The following RBL2 variants were observed in gnomAD, a reference collection of about 807,000 sequenced individuals.
The protein encoded by RBL2 is RB transcriptional corepressor like 2.
RBL2 carries 56 observed loss-of-function variants against 126.0 expected under a neutral mutation model. The observed-to-expected ratio is 0.44, with a 90% confidence interval of 0.36 to 0.56. The LOEUF (loss-of-function observed/expected upper bound fraction) is 0.56. Among genes scored for constraint, RBL2 ranks in the 20% least tolerant of loss-of-function variants. RBL2 has a pLI of 0.00. For synonymous variants in RBL2, 454 were observed against 478.5 expected, an observed-to-expected ratio of 0.95 and a Z score of 0.67; for missense variants, 1,229 against 1,398.2, an observed-to-expected ratio of 0.88 and a Z score of 1.93.
At chr16:53,448,547 G>A (rs976041892) in intron 4 of RBL2, among the ~76,000 whole-genome samples, 2 of 152,158 alleles carry the variant, frequency 1.3e-5, no homozygotes, top group African/African-American at 4.8e-5. Context: ...GCAGTGGTAT[G>A]ATCTCTGCTC....
At chr16:53,489,725 A>G (rs1295838405) in intron 21 of RBL2, 1 of 153,432 alleles carries the variant, frequency 6.5e-6, no homozygotes, top group Non-Finnish European at 1.5e-5. Flanking sequence ...ACTGAGTAAC[A>G]TTAGACTGAA....
chr16:53,455,727 G>T (rs2058161025), intron 8 of RBL2, among the ~76,000 whole-genome samples: 1 of 152,194 alleles, frequency 6.6e-6, no homozygotes. Flanking sequence ...AAGTAAGTGA[G>T]GAAGCAAGCC....
chr16:53,486,605 A>T (rs1961185872), intron 21 of RBL2, among the ~76,000 whole-genome samples: 1 of 152,228 alleles, frequency 6.6e-6, no homozygotes, highest in Non-Finnish European at 1.5e-5. Context: ...TCATTAATGT[A>T]AAAACTCTCA....
intron 20 of RBL2, chr16:53,481,313 C>T (rs1271623716): frequency 4.6e-6 from 1 of 218,416 alleles, no homozygotes; most frequent in Non-Finnish European, 9.0e-6. Context: ...AGACAGGCTA[C>T]ATGGGTTCAA....
chr16:53,463,846 C>T (rs557150888), intron 11 of RBL2, among the ~76,000 whole-genome samples: 7 of 152,114 alleles, frequency 4.6e-5, no homozygotes, highest in African/African-American at 1.2e-4. Context: ...GGATTACAGG[C>T]GTGAGCCACT....
intron 4 of RBL2, chr16:53,449,113 A>G (rs149801627): frequency 1.6e-4 from 25 of 152,280 alleles, no homozygotes; most frequent in African/African-American, 5.8e-4. Context: ...AAGGTTTTGG[A>G]GTATATAAAC....
chr16:53,453,256 G>A (rs535474366), intron 5 of RBL2, among the ~76,000 whole-genome samples, 196 bp from the exon 6 acceptor site: 3 of 152,062 alleles, frequency 2.0e-5, no homozygotes, highest in Admixed American at 6.6e-5. Context: ...GAAATCTTTC[G>A]AGTAATGATA....
chr16:53,434,750 A>G lies in RBL2; in HGVS notation c.194A>G (p.Glu65Gly). Residue 65 changes from glutamate (E) to glycine (G), a missense_variant, in exon 1 of 22, where the codon GAG becomes GGG. Transcript: ENST00000262133. ...AACATGGACGAGGCGGCGCGGGCCG[A>G]GGCCTGGGACAGCTACCGCAGCATG... ...RLNMDEAARAEAWDSYRSMSE... is the reference protein window; with the variant it reads ...RLNMDEAARAGAWDSYRSMSE... 6.5e-7 allele frequency: 1 copy of G among 1,543,562 alleles called. No homozygotes were observed. Among genetic ancestry groups the G allele is most frequent in the Non-Finnish European group, 8.7e-7 (1 of 1,152,442 alleles).
intron 2 of RBL2, among the ~76,000 whole-genome samples, chr16:53,439,787 A>G (rs928246229): frequency 1.3e-5 from 2 of 151,990 alleles, no homozygotes; most frequent in African/African-American, 4.8e-5. Context: ...AAATTTATGG[A>G]GTTAATGGTT....
chr16:53,440,245 C>G (rs2058002267), intron 2 of RBL2, among the ~76,000 whole-genome samples: 1 of 151,168 alleles, frequency 6.6e-6, no homozygotes. Flanking sequence ...GCAGTGAGCA[C>G]TATTGCACTC....
intron 8 of RBL2, among the ~76,000 whole-genome samples, chr16:53,456,376 G>A (rs913992085): frequency 1.3e-5 from 2 of 152,140 alleles, no homozygotes; most frequent in Admixed American, 6.6e-5. Flanking sequence ...TTAGAGGCAA[G>A]GGTGGAAGTA....
At chr16:53,453,419 G>A (rs749763613) in intron 5 of RBL2, 33 bp from the exon 6 acceptor site, 2 of 1,585,942 alleles carry the variant, frequency 1.3e-6, no homozygotes, top group South Asian at 1.1e-5. Flanking sequence ...ATTGTGTGCT[G>A]ATATCTCTGT....
chr16:53,445,196 G>A (rs145345090), intron 3 of RBL2, among the ~76,000 whole-genome samples: 2,562 of 151,882 alleles, frequency 0.017, 31 homozygotes, highest in Non-Finnish European at 0.029. Flanking sequence ...GAGTGGTGGC[G>A]CACACCTGTG....
At chr16:53,481,564 A>G in intron 20 of RBL2, 107 bp from the exon 21 acceptor site, 1 of 1,025,588 alleles carries the variant, frequency 9.8e-7, no homozygotes, top group Non-Finnish European at 1.4e-6. Context: ...TCACTCTGTC[A>G]TTCATAAAAC....
In RBL2 at chr16:53,452,647, C is replaced by CT. The variant is rs1567731131; in HGVS notation, c.767-797dup. 9.2e-5 allele frequency among the ~76,000 whole-genome samples: 14 copies of CT among 151,694 alleles called. No individual in the cohort carries two copies. The South Asian group carries it at 2.1e-3, about 23-fold the overall frequency. On this transcript the variant is annotated intron_variant, in intron 5 of 21. Coordinates refer to ENST00000262133, the MANE Select transcript of RBL2 (RefSeq NM_005611.4). ...AAAAGCTGCTTCCTTTCACTTTTAT[C>CT]TTTTTTTTGTTTTAAATTAAAAAGA...
intron 4 of RBL2, chr16:53,449,708 G>C (rs530877508): frequency 2.7e-4 from 41 of 151,242 alleles, no homozygotes; most frequent in African/African-American, 9.7e-4. Flanking sequence ...TCATTTATTT[G>C]GGGGAAAGGT....
At position 53,470,171 on chromosome 16, in the gene RBL2, C is replaced by G; in HGVS notation, c.2231C>G (p.Thr744Ser). 1 of 1,607,528 alleles carries G rather than the reference C, an allele frequency of 6.2e-7. No homozygotes were observed. The highest frequency in any genetic ancestry group is 8.5e-7 in the Non-Finnish European group (1 of 1,174,914). ...ACAGCCAACAATGGGCAAACGGTAA[C>G]CATTCCTGTGCAAGGTAAGGAAGGC... ...TVTANNGQTVTIPVQGIANEN... is the reference protein window; with the variant it reads ...TVTANNGQTVSIPVQGIANEN... The change falls in exon 15 of 22, where the codon ACC (threonine) becomes AGC (serine). Residue 744 changes from threonine to serine, a missense_variant. Thr to Ser is a moderately conservative substitution (Grantham distance 58, BLOSUM62 1). Coordinates refer to ENST00000262133, the MANE Select transcript of RBL2 (RefSeq NM_005611.4).
chr16:53,453,320 C>T (rs1021882832), intron 5 of RBL2, 132 bp from the exon 6 acceptor site: 79 of 725,462 alleles, frequency 1.1e-4, no homozygotes, highest in Non-Finnish European at 2.0e-5. Context: ...GAAATAGGCC[C>T]ATATATACTG....
chr16:53,465,428 T>A lies in RBL2; in HGVS notation c.1699-10T>A. ...AATTATTCAGTGAACCAAGACATTTTTTATTTCAGGTGATAGAAGTATTCA... is the reference window on the plus strand; with the variant it reads ...AATTATTCAGTGAACCAAGACATTTATTATTTCAGGTGATAGAAGTATTCA... On this transcript the variant is annotated splice_polypyrimidine_tract_variant and intron_variant, in intron 12 of 21. Coordinates refer to ENST00000262133, the MANE Select transcript of RBL2 (RefSeq NM_005611.4). 7.2e-7 allele frequency: 1 copy of A among 1,386,630 alleles called. No homozygotes were observed. The allele number at this position is 1,386,630 out of a possible 1,614,324, so 85.9% of individuals were successfully genotyped here.
Sources: gnomAD v4.1 joint callset for allele counts (sites outside exome capture counted in the v4.1 genomes callset) on GRCh38, gnomAD v4.1.1 for gene constraint, MANE v1.5 for transcripts, NCBI Gene and HGNC (gene_info 2026-07-23, HGNC 2026-07-21) for gene names.